The following JCAD variants were observed in gnomAD, a reference collection of about 807,000 sequenced individuals.
The protein encoded by JCAD is junctional cadherin 5-associated protein.
JCAD carries 40 observed loss-of-function variants against 98.0 expected under a neutral mutation model. The ratio of observed to expected loss-of-function variants is 0.41; its 90% confidence interval spans 0.32 to 0.53. The LOEUF is 0.53. Ranked by LOEUF, JCAD falls within the 20% of genes least tolerant of loss-of-function variation. The pLI, the probability that JCAD is intolerant of heterozygous loss-of-function variation, is 0.31. For synonymous variants in JCAD, 691 were observed against 682.3 expected, an observed-to-expected ratio of 1.01 and a Z score of -0.20; for missense variants, 1,705 against 1,738.1, an observed-to-expected ratio of 0.98 and a Z score of 0.34.
At chr10:30,092,922 A>G (rs1290227177) in intron 1 of JCAD, among the ~76,000 whole-genome samples, 3 of 152,132 alleles carry the variant, frequency 2.0e-5, no homozygotes, top group African/African-American at 7.2e-5. Context: ...AAAATAGAAT[A>G]TTCTGTGGCA....
chr10:30,056,040 G>A (rs1472095706), intron 1 of JCAD, among the ~76,000 whole-genome samples: 2 of 152,020 alleles, frequency 1.3e-5, no homozygotes, highest in Non-Finnish European at 2.9e-5. Context: ...GAGACCTTAA[G>A]TACCTCATTA....
intron 2 of JCAD, among the ~76,000 whole-genome samples, chr10:30,046,328 C>T (rs751236261): frequency 6.6e-6 from 1 of 152,166 alleles, no homozygotes; most frequent in Admixed American, 6.5e-5. Context: ...TTTTACCATC[C>T]TGTTCCCCTA....
chr10:30,054,831 G>A (rs572671122), intron 1 of JCAD, among the ~76,000 whole-genome samples: 5 of 151,738 alleles, frequency 3.3e-5, no homozygotes, highest in African/African-American at 4.8e-5. Context: ...CACCTCGCCC[G>A]GCTAATTTTT....
chr10:30,084,134 G>T (rs1838130543), intron 1 of JCAD, among the ~76,000 whole-genome samples: 3 of 150,482 alleles, frequency 2.0e-5, no homozygotes, highest in African/African-American at 7.3e-5. Flanking sequence ...AAAGAAAAAG[G>T]AAGAGAAAAG....
At chr10:30,113,253 G>A (rs542791995) in intron 1 of JCAD, among the ~76,000 whole-genome samples, 3 of 151,948 alleles carry the variant, frequency 2.0e-5, no homozygotes, top group East Asian at 1.9e-4. Flanking sequence ...GGTGAGGTAC[G>A]CAAAAAGCCT....
intron 1 of JCAD, among the ~76,000 whole-genome samples, chr10:30,049,887 G>A (rs570921286): frequency 6.6e-6 from 1 of 152,170 alleles, no homozygotes; most frequent in Non-Finnish European, 1.5e-5. Context: ...TTGAGAAAAT[G>A]CACAAATGAG....
At position 30,090,315 on chromosome 10, in the gene JCAD, G is replaced by A. The variant is rs563484510; in HGVS notation, n.129-20494C>T. ...CCAACACTTTGGGAGGCTGAGGCGG[G>A]TGGATCACTTGAGGTCAGGAGTTTG... On this transcript the variant is annotated intron_variant and non_coding_transcript_variant, in intron 1 of 2. Coordinates refer to the JCAD transcript ENST00000465712. Among the ~76,000 whole-genome samples, 51 of 152,334 alleles carry A rather than the reference G, an allele frequency of 3.3e-4. No individual in the cohort carries two copies. The East Asian group carries it at 6.4e-3, about 19-fold the overall frequency.
rs1006365677 is a variant in JCAD, at chr10:30,015,802, G to A, written c.*2081C>T. The A allele has an allele frequency of 2.0e-5, 3 of 152,166 alleles. No individual in the cohort carries two copies. The highest frequency in any genetic ancestry group is 7.2e-5 in the African/African-American group (3 of 41,442). 9.4% of individuals were successfully genotyped at this position (152,166 alleles called of 1,614,324 possible). A position where few individuals can be genotyped will look rare whatever the true frequency, so the allele number is the denominator to read the frequency against. On this transcript the variant is annotated 3_prime_UTR_variant, in exon 4 of 4. Transcript: ENST00000375377. The stretch of plus-strand genomic sequence containing the variant: ...TACATGTACGAGTATACATGTGCAC[G>A]TATATAAATGTATATACACATATAC...
intron 1 of JCAD, among the ~76,000 whole-genome samples, chr10:30,056,667 G>A (rs1589697937): frequency 1.3e-5 from 2 of 152,010 alleles, no homozygotes; most frequent in East Asian, 3.9e-4. Context: ...GATACTTCAC[G>A]ATCTGATAAC....
intron 2 of JCAD, among the ~76,000 whole-genome samples, chr10:30,030,433 T>C (rs1206246596): frequency 6.6e-6 from 1 of 152,072 alleles, no homozygotes; most frequent in Admixed American, 6.5e-5. Context: ...GGTGAGACCC[T>C]GCCTCATAAG....
Position 30,027,387 on chromosome 10 carries a change from G to T in JCAD, c.2761C>A (p.Gln921Lys), listed in dbSNP as rs1330280250. ...SKSESWSEEL[Q>K]PGHPRAWPPS... ...GGCCAGGCACGTGGGTGGCCAGGCTGCAGCTCCTCACTCCAGCTCTCAGAC... is the reference window on the plus strand; with the variant it reads ...GGCCAGGCACGTGGGTGGCCAGGCTTCAGCTCCTCACTCCAGCTCTCAGAC... The change falls in exon 3 of 4, where the codon CAG becomes AAG. Residue 921 changes from glutamine to lysine, a missense_variant. Around this residue, in one of 3 missense-constraint regions of JCAD, gnomAD observed 1,278 missense variants for 1,243.1 expected, o/e 1.03. Transcript: ENST00000375377. The T allele has an allele frequency of 1.2e-6, 2 of 1,607,542 alleles. No individual in the cohort carries two copies. Among genetic ancestry groups the T allele is most frequent in the Non-Finnish European group, 1.7e-6 (2 of 1,180,012 alleles).
rs111714818 is a variant in JCAD at position 30,103,658 on chromosome 10, T to G, written n.128+11709A>C. Among the ~76,000 whole-genome samples the G allele has an allele frequency of 8.8e-3, 1,340 of 151,982 alleles. 26 individuals are homozygous for G. Among genetic ancestry groups the G allele is most frequent in the African/African-American group, 0.031 (1,273 of 41,462 alleles). ...CACACACACTCACAGCCAGTTCTTT[T>G]GATCCCAAATAAGCCCTTTCTCTAT... On this transcript the variant is annotated intron_variant and non_coding_transcript_variant, in intron 1 of 2. Transcript: ENST00000465712.
At chr10:30,097,727 C>T (rs756791973) in intron 1 of JCAD, among the ~76,000 whole-genome samples, 2 of 152,102 alleles carry the variant, frequency 1.3e-5, no homozygotes, top group East Asian at 3.9e-4. Flanking sequence ...TGCCCCACTG[C>T]ACTCCAGCCT....
chr10:30,071,299 T>C (rs577939337), intron 1 of JCAD, among the ~76,000 whole-genome samples: 1 of 152,160 alleles, frequency 6.6e-6, no homozygotes, highest in South Asian at 2.1e-4. Flanking sequence ...ATCATCATTA[T>C]TGTTGTTTTT....
At chr10:30,095,843 A>G (rs755295259) in intron 1 of JCAD, among the ~76,000 whole-genome samples, 1 of 152,230 alleles carries the variant, frequency 6.6e-6, no homozygotes, top group Non-Finnish European at 1.5e-5. Context: ...CTCCTGGAGC[A>G]GTGGTAATAT....
At position 30,110,324 on chromosome 10, in the gene JCAD, T is replaced by C. The variant is rs553153503; in HGVS notation, n.128+5043A>G. Among the ~76,000 whole-genome samples, 3 of 151,936 alleles carry C rather than the reference T, an allele frequency of 2.0e-5. No homozygotes were observed. In the East Asian group the frequency reaches 5.8e-4, roughly 30 times the overall value. ...ACTCATTGATGTATTGGCTCACTGA[T>C]GCATGGACCAGATGATGTATGGACT... On this transcript the variant is annotated intron_variant and non_coding_transcript_variant, in intron 1 of 2. Transcript: ENST00000465712.
rs189588946 is a variant in JCAD at position 30,015,457 on chromosome 10, C to A, written c.*2426G>T. The A allele has an allele frequency of 3.9e-5, 6 of 152,210 alleles. No homozygotes were observed. The highest frequency in any genetic ancestry group is 1.2e-4 in the African/African-American group (5 of 41,530). 9.4% of individuals were successfully genotyped at this position (152,210 alleles called of 1,614,324 possible). On this transcript the variant is annotated 3_prime_UTR_variant, in exon 4 of 4. Coordinates refer to ENST00000375377, the MANE Select transcript of JCAD (RefSeq NM_020848.4). ...TTTTCAAGTTAAACTTTTCAAGTTACCTTCCCCCCAAAAAAGATTTACATG... is the reference window on the plus strand; with the variant it reads ...TTTTCAAGTTAAACTTTTCAAGTTAACTTCCCCCCAAAAAAGATTTACATG...
chr10:30,102,902 C>G (rs200278735), intron 1 of JCAD, among the ~76,000 whole-genome samples: 4 of 152,210 alleles, frequency 2.6e-5, no homozygotes, highest in East Asian at 3.9e-4. Context: ...CAGGGGAACT[C>G]CCCTTTATGA....
At chr10:30,021,102 A>AGAGACACCTCCAC (rs1486425932) in intron 3 of JCAD, among the ~76,000 whole-genome samples, 1 of 151,844 alleles carries the variant, frequency 6.6e-6, no homozygotes, top group East Asian at 1.9e-4. Flanking sequence ...CAGGCACACT[A>AGAGACACCTCCAC]GAGACACCTC....
Sources: gnomAD v4.1 joint callset for allele counts (sites outside exome capture counted in the v4.1 genomes callset) on GRCh38, gnomAD v4.1.1 for gene constraint, gnomAD v4.1.1 regional missense constraint, MANE v1.5 for transcripts, NCBI Gene and HGNC (gene_info 2026-07-23, HGNC 2026-07-21) for gene names.